CAMTA1: variants seen among roughly 807,000 people sequenced by gnomAD.
The protein encoded by CAMTA1 is calmodulin-binding transcription activator 1.
Under a neutral mutation model 170.9 loss-of-function variants are expected in CAMTA1, and 27 were observed. The observed-to-expected ratio is 0.16, with a 90% CI of 0.12 to 0.22. CAMTA1 has a LOEUF of 0.22. Among genes scored for constraint, CAMTA1 ranks in the 10% least tolerant of loss-of-function variants. The probability of loss-of-function intolerance (pLI) is 1.00; values close to 1 mark genes in which losing one functional copy is unlikely to be tolerated. For synonymous variants in CAMTA1, 833 were observed against 891.5 expected, an observed-to-expected ratio of 0.93 and a Z score of 1.17; for missense variants, 1,619 against 2,217.2, an observed-to-expected ratio of 0.73 and a Z score of 5.42.
At chr1:7,358,467 C>T (rs560325129) in intron 5 of CAMTA1, among the ~76,000 whole-genome samples, 2 of 152,264 alleles carry the variant, frequency 1.3e-5, no homozygotes, top group Admixed American at 6.5e-5. Flanking sequence ...CTTAGGTGGC[C>T]ATCACTGGAG....
At chr1:7,184,185 T>C (rs1216960350) in intron 4 of CAMTA1, among the ~76,000 whole-genome samples, 4 of 151,918 alleles carry the variant, frequency 2.6e-5, no homozygotes, top group Non-Finnish European at 5.9e-5. Context: ...AATTAAACAA[T>C]TGAACGCATG....
At chr1:7,761,846 G>T (rs1429634599) in intron 22 of CAMTA1, among the ~76,000 whole-genome samples, 1 of 150,314 alleles carries the variant, frequency 6.7e-6, no homozygotes, top group Non-Finnish European at 1.5e-5. Context: ...GATAGAAAAC[G>T]ATCTAATTCA....
intron 11 of CAMTA1, among the ~76,000 whole-genome samples, chr1:7,716,860 G>A (rs1252246170): frequency 3.3e-5 from 5 of 152,190 alleles, no homozygotes; most frequent in African/African-American, 4.8e-5. Flanking sequence ...ACCAGGATAC[G>A]GTAGCACCCT....
At chr1:6,888,345 T>G (rs930103560) in intron 3 of CAMTA1, 1 of 713,900 alleles carries the variant, frequency 1.4e-6, no homozygotes, top group African/African-American at 1.9e-5. Context: ...GGAAGCCTAG[T>G]TCAGGGTGCT....
intron 4 of CAMTA1, chr1:7,219,224 G>T (rs537582355): frequency 6.6e-6 from 1 of 151,198 alleles, no homozygotes; most frequent in Admixed American, 6.6e-5. Context: ...CTGTGTTTAC[G>T]GTTGGACTCA....
chr1:7,551,572 C>A (rs1311629040), intron 6 of CAMTA1, among the ~76,000 whole-genome samples: 1 of 152,180 alleles, frequency 6.6e-6, no homozygotes, highest in African/African-American at 2.4e-5. Flanking sequence ...TCCCAGCAGC[C>A]CCCTCCCCTA....
intron 5 of CAMTA1, among the ~76,000 whole-genome samples, chr1:7,383,401 A>G (rs564649870): frequency 6.6e-6 from 1 of 152,056 alleles, no homozygotes; most frequent in Non-Finnish European, 1.5e-5. Context: ...TGGAATACAG[A>G]CTCCGGTGCC....
At chr1:6,993,346 T>G (rs1483449242) in intron 3 of CAMTA1, among the ~76,000 whole-genome samples, 2 of 152,228 alleles carry the variant, frequency 1.3e-5, no homozygotes, top group Non-Finnish European at 2.9e-5. Context: ...AGGTGGTATA[T>G]CTCTTATTTA....
At chr1:7,177,345 C>T (rs1651065277) in intron 4 of CAMTA1, among the ~76,000 whole-genome samples, 1 of 151,232 alleles carries the variant, frequency 6.6e-6, no homozygotes, top group African/African-American at 2.4e-5. Flanking sequence ...AGGCTTCCTT[C>T]AGCACATCAA....
intron 4 of CAMTA1, among the ~76,000 whole-genome samples, chr1:7,168,642 G>C (rs1648990039): frequency 6.6e-6 from 1 of 152,132 alleles, no homozygotes; most frequent in South Asian, 2.1e-4. Context: ...GACCTCAGGT[G>C]ATCCACCCAC....
At chr1:7,498,148 C>T (rs1475629938) in intron 6 of CAMTA1, among the ~76,000 whole-genome samples, 2 of 151,636 alleles carry the variant, frequency 1.3e-5, no homozygotes, top group Non-Finnish European at 2.9e-5. Context: ...CAACAGGATA[C>T]TGGAGATTTG....
At chr1:6,967,205 C>T (rs951625708) in intron 3 of CAMTA1, among the ~76,000 whole-genome samples, 1 of 152,104 alleles carries the variant, frequency 6.6e-6, no homozygotes, top group Non-Finnish European at 1.5e-5. Flanking sequence ...TGTGCCACTG[C>T]ACTCCAGCCT....
At chr1:6,859,055 A>G (rs1048393416) in intron 3 of CAMTA1, among the ~76,000 whole-genome samples, 45 of 152,238 alleles carry the variant, frequency 3.0e-4, no homozygotes, top group African/African-American at 1.1e-3. Flanking sequence ...AAAGTAATAA[A>G]TGGTCTTTGA....
At chr1:7,437,535 T>C (rs1265096144) in intron 5 of CAMTA1, among the ~76,000 whole-genome samples, 1 of 152,198 alleles carries the variant, frequency 6.6e-6, no homozygotes, top group Non-Finnish European at 1.5e-5. Flanking sequence ...CACCGACTCA[T>C]CTGAACTCCT....
Position 7,425,836 on chromosome 1 carries a change from G to A in CAMTA1, c.439-41994G>A, listed in dbSNP as rs78208993. On this transcript the variant is annotated intron_variant, in intron 5 of 22. Coordinates refer to ENST00000303635, the MANE Select transcript of CAMTA1 (RefSeq NM_015215.4). ...AGTCTCCCTTTCACTTTGGGCCCTG[G>A]TCTCACTCTGTAGCCAGAGGGGCCC... is the stretch of plus-strand genomic sequence containing the variant. Among the ~76,000 whole-genome samples, 178 of 152,254 alleles carry A rather than the reference G, an allele frequency of 1.2e-3. 4 individuals are homozygous for A. The East Asian group carries it at 0.031, about 27-fold the overall frequency.
At chr1:7,550,418 T>A (rs2094782881) in intron 6 of CAMTA1, among the ~76,000 whole-genome samples, 1 of 151,942 alleles carries the variant, frequency 6.6e-6, no homozygotes, top group Non-Finnish European at 1.5e-5. Context: ...GGCCTCCCAC[T>A]GCCTGTGCCA....
In CAMTA1 at chr1:7,224,033, A is replaced by G. The variant is rs183300418; in HGVS notation, c.303-25458A>G. Among the ~76,000 whole-genome samples, 6 of 152,274 alleles carry G rather than the reference A, an allele frequency of 3.9e-5. No individual in the cohort carries two copies. Among genetic ancestry groups the G allele is most frequent in the Admixed American group, 2.6e-4 (4 of 15,296 alleles). On this transcript the variant is annotated intron_variant, in intron 4 of 22. Transcript: ENST00000303635. This position sits in a 1 kb window ranked among gnomAD's most constrained non-coding sequence, Gnocchi z 5.2. ...CCAGAGATCTTCTGGGTGTGTAATG[A>G]CCACAGACTAATCTTAATCATAATC... is the stretch of plus-strand genomic sequence containing the variant.
chr1:7,099,351 C>T lies in CAMTA1; in HGVS notation c.302+7980C>T, dbSNP rs184023497. ...CAGGCATGAGTCAGTGCGTCCGGCC[C>T]TCCCTTCTTTTATTTTTATAAAAAT... is the stretch of plus-strand genomic sequence containing the variant. On this transcript the variant is annotated intron_variant, in intron 4 of 22. Coordinates refer to ENST00000303635, the MANE Select transcript of CAMTA1 (RefSeq NM_015215.4). 1.2e-4 allele frequency among the ~76,000 whole-genome samples: 18 copies of T among 152,216 alleles called. No homozygotes were observed. In the East Asian group the frequency reaches 1.7e-3, roughly 15 times the overall value.
chr1:6,911,829 C>G (rs1679749159), intron 3 of CAMTA1, among the ~76,000 whole-genome samples: 1 of 152,244 alleles, frequency 6.6e-6, no homozygotes, highest in South Asian at 2.1e-4. Context: ...TCTGCGGGCT[C>G]TGTTCCGCGA....
Sources: gnomAD v4.1 joint callset for allele counts (sites outside exome capture counted in the v4.1 genomes callset) on GRCh38, gnomAD v4.1.1 for gene constraint, Gnocchi (gnomAD v3.1) non-coding constraint, MANE v1.5 for transcripts, NCBI Gene and HGNC (gene_info 2026-07-23, HGNC 2026-07-21) for gene names.